The following ITGAE variants were observed in gnomAD, a reference collection of about 807,000 sequenced individuals.
ITGAE encodes the protein integrin alpha-E.
Under a neutral mutation model 136.5 loss-of-function variants are expected in ITGAE, and 99 were observed. That is an observed-to-expected ratio of 0.73 (90% CI 0.62 to 0.86). The LOEUF is 0.86. Among genes scored for constraint, ITGAE ranks in the 40% least tolerant of loss-of-function variants. The pLI is 0.00. For missense variants in ITGAE, 1,447 were observed against 1,515.3 expected, an observed-to-expected ratio of 0.95 and a Z score of 0.75; for synonymous variants, 613 against 591.8, an observed-to-expected ratio of 1.04 and a Z score of -0.52.
At chr17:3,764,775 C>T (rs2052254650) in intron 2 of ITGAE, among the ~76,000 whole-genome samples, 3 of 152,316 alleles carry the variant, frequency 2.0e-5, no homozygotes, top group Admixed American at 6.5e-5. Flanking sequence ...TCAAGAGCTG[C>T]GCCTCCTGAC....
Position 3,723,946 on chromosome 17 carries a change from C to T in ITGAE, c.3085-202G>A, listed in dbSNP as rs778982419. The T allele has an allele frequency of 3.2e-6, 5 of 1,553,526 alleles. No individual in the cohort carries two copies. In the East Asian group the frequency reaches 6.9e-5, roughly 22 times the overall value. On this transcript the variant is annotated intron_variant, in intron 26 of 30. Transcript: ENST00000263087. ...TGGCGGGTGCCGGCCATGGCGGCTTCGCTCCCGGGACCTGGGAGCCGGCTT... is the reference window on the plus strand; with the variant it reads ...TGGCGGGTGCCGGCCATGGCGGCTTTGCTCCCGGGACCTGGGAGCCGGCTT...
At chr17:3,746,622 AT>A in intron 17 of ITGAE, among the ~76,000 whole-genome samples, 1 of 151,676 alleles carries the variant, frequency 6.6e-6, no homozygotes, top group African/African-American at 2.4e-5. Flanking sequence ...CACCTGGCTA[AT>A]TTTTTGTATT....
At position 3,777,594 on chromosome 17, in the gene ITGAE, G is replaced by A. The variant is rs2052573614; in HGVS notation, c.101C>T (p.Ala34Val). 9 of 1,614,006 alleles carry A rather than the reference G, an allele frequency of 5.6e-6. No homozygotes were observed. Among genetic ancestry groups the A allele is most frequent in the Non-Finnish European group, 7.6e-6 (9 of 1,179,954 alleles). The stretch of plus-strand genomic sequence containing the variant: ...CAGAAGGGAGCTGAGCACGAAAGGG[G>A]CACCTCCCTTGGGCGTGAGCCAGGG... ...ARPWLTPKGG[A>V]PFVLSSLLHQ... The change falls in exon 2 of 31, where the codon GCC becomes GTC. Residue 34 changes from alanine to valine, a missense_variant. Physicochemically the swap from Ala to Val is moderately conservative, Grantham distance 64 (BLOSUM62 0). Around this residue, in one of 3 missense-constraint regions of ITGAE, gnomAD observed 106 missense variants for 87.8 expected, o/e 1.21. Transcript: ENST00000263087.
chr17:3,723,028 C>T (rs1244115941), intron 28 of ITGAE, among the ~76,000 whole-genome samples: 2 of 152,172 alleles, frequency 1.3e-5, no homozygotes, highest in African/African-American at 4.8e-5. Flanking sequence ...CCTGAAATGG[C>T]AGGGCTTGCT....
At chr17:3,796,027 G>A (rs1257593017) in intron 1 of ITGAE, among the ~76,000 whole-genome samples, 1 of 130,124 alleles carries the variant, frequency 7.7e-6, no homozygotes, top group Non-Finnish European at 1.6e-5. Flanking sequence ...GTGCGCGTGT[G>A]TGCGTGTGCA....
intron 1 of ITGAE, among the ~76,000 whole-genome samples, chr17:3,794,749 G>GA (rs1252906958): frequency 6.6e-6 from 1 of 152,020 alleles, no homozygotes; most frequent in Non-Finnish European, 1.5e-5. Context: ...TCACTCTGGG[G>GA]AAAAAACAGG....
chr17:3,761,258 G>A, intron 5 of ITGAE, 81 bp from the exon 6 acceptor site: 1 of 1,558,648 alleles, frequency 6.4e-7, no homozygotes. Flanking sequence ...GTTCTGCCCT[G>A]ATTCCTTTCA....
chr17:3,777,979 G>A (rs182070689), intron 1 of ITGAE, among the ~76,000 whole-genome samples: 4 of 152,032 alleles, frequency 2.6e-5, no homozygotes, highest in East Asian at 3.9e-4. Context: ...GTGTACTCAC[G>A]TCACTGCGTC....
chr17:3,725,050 T>G, intron 26 of ITGAE: 1 of 1,614,262 alleles, frequency 6.2e-7, no homozygotes, highest in South Asian at 1.1e-5. Flanking sequence ...ACCCAGGACC[T>G]GACTCCTTTA....
At position 3,757,714 on chromosome 17, in the gene ITGAE, C is replaced by G. The variant is rs1567538102; in HGVS notation, c.1012G>C (p.Ala338Pro). The G allele has an allele frequency of 1.2e-6, 2 of 1,614,020 alleles. No individual in the cohort carries two copies. The highest frequency in any genetic ancestry group is 1.3e-5 in the African/African-American group (1 of 75,036). ...CGGCTCCTGGCTCTTACCCCAATGGCAAAGCGCTCAACACCCTGCATTTTG... is the reference window on the plus strand; with the variant it reads ...CGGCTCCTGGCTCTTACCCCAATGGGAAAGCGCTCAACACCCTGCATTTTG... Reference protein sequence around the residue: ...SPKMQGVERFAIGVGEEFKSA... With the variant: ...SPKMQGVERFPIGVGEEFKSA... Residue 338 changes from alanine (A) to proline (P), a missense_variant, in exon 9 of 31, where the codon GCC becomes CCC. Around this residue, in one of 3 missense-constraint regions of ITGAE, gnomAD observed 310 missense variants for 416.1 expected, o/e 0.74. Coordinates refer to ENST00000263087, the MANE Select transcript of ITGAE (RefSeq NM_002208.5).
intron 7 of ITGAE, 80 bp from the exon 8 acceptor site, chr17:3,759,633 A>T: frequency 6.6e-7 from 1 of 1,517,336 alleles, no homozygotes; most frequent in Non-Finnish European, 9.1e-7. Flanking sequence ...TGGAAGCAGC[A>T]GAAAAATCCA....
chr17:3,749,803 G>A (rs2051818364), intron 16 of ITGAE, among the ~76,000 whole-genome samples: 1 of 152,058 alleles, frequency 6.6e-6, no homozygotes, highest in Admixed American at 6.5e-5. Context: ...GGATCACGAG[G>A]TCAGGAGTTC....
intron 7 of ITGAE, 124 bp from the exon 8 acceptor site, chr17:3,759,677 G>T: frequency 1.7e-6 from 2 of 1,209,186 alleles, no homozygotes; most frequent in Non-Finnish European, 2.3e-6. Flanking sequence ...AGAAAGAGAT[G>T]CTAAGGCAGA....
At chr17:3,733,993 A>G (rs566733836) in intron 21 of ITGAE, among the ~76,000 whole-genome samples, 2 of 152,362 alleles carry the variant, frequency 1.3e-5, no homozygotes, top group South Asian at 2.1e-4. Flanking sequence ...CTCTTGGTCA[A>G]AATGACTTAC....
At position 3,739,788 on chromosome 17, in the gene ITGAE, G is replaced by C. The variant is rs28548075; in HGVS notation, c.2522+17C>G. On this transcript the variant is annotated intron_variant, in intron 20 of 30. Coordinates refer to ENST00000263087, the MANE Select transcript of ITGAE (RefSeq NM_002208.5). ...GAGAAGGTTAATCGAGGAAACTGAC[G>C]GCTATGTCCAACTCACTGAGAGACG... The C allele has an allele frequency of 6.2e-7, 1 of 1,610,034 alleles. No individual in the cohort carries two copies. Among genetic ancestry groups the C allele is most frequent in the Admixed American group, 1.7e-5 (1 of 60,002 alleles).
intron 24 of ITGAE, among the ~76,000 whole-genome samples, chr17:3,728,951 G>A (rs779147229): frequency 2.0e-5 from 3 of 151,580 alleles, no homozygotes; most frequent in Non-Finnish European, 4.4e-5. Flanking sequence ...CAGGAGAATC[G>A]CTTGAACCTG....
At chr17:3,768,215 C>G (rs1221836423) in intron 2 of ITGAE, among the ~76,000 whole-genome samples, 1 of 152,090 alleles carries the variant, frequency 6.6e-6, no homozygotes. Context: ...GCCTTGACCT[C>G]CCAGGCTCAA....
chr17:3,742,478 G>A (rs1364536270), intron 19 of ITGAE, among the ~76,000 whole-genome samples: 1 of 131,716 alleles, frequency 7.6e-6, no homozygotes, highest in Non-Finnish European at 1.6e-5. Flanking sequence ...TTTTTGAGAC[G>A]GAGTCTTTCT....
At chr17:3,756,266 C>G (rs1053470876) in intron 10 of ITGAE, among the ~76,000 whole-genome samples, 1 of 121,956 alleles carries the variant, frequency 8.2e-6, no homozygotes, top group Non-Finnish European at 1.6e-5. Flanking sequence ...CAGTGTCTCA[C>G]TCTGTTGCTC....
Sources: gnomAD v4.1 joint callset for allele counts (sites outside exome capture counted in the v4.1 genomes callset) on GRCh38, gnomAD v4.1.1 for gene constraint, gnomAD v4.1.1 regional missense constraint, MANE v1.5 for transcripts, NCBI Gene and HGNC (gene_info 2026-07-23, HGNC 2026-07-21) for gene names.